Variants in MICU1 observed in about 807,000 individuals in gnomAD.
The protein encoded by MICU1 is mitochondrial calcium uptake 1.
A neutral mutation model predicts 56.8 loss-of-function variants in MICU1; 45 were observed. That is an observed-to-expected ratio of 0.79 (90% CI 0.62 to 1.02). The LOEUF (loss-of-function observed/expected upper bound fraction) is 1.02, where lower values mean the gene tolerates loss of function less well. Among genes scored for constraint, MICU1 ranks in the 50% least tolerant of loss-of-function variants. The probability of loss-of-function intolerance (pLI) is 0.00; values close to 1 mark genes in which losing one functional copy is unlikely to be tolerated. For synonymous variants in MICU1, 186 were observed against 195.1 expected (o/e 0.95, Z 0.39); for missense variants, 504 against 587.1 (o/e 0.86, Z 1.46).
At chr10:72,599,997 AAAAG>A (rs1841481365) in intron 1 of MICU1, among the ~76,000 whole-genome samples, 1 of 152,214 alleles carries the variant, frequency 6.6e-6, no homozygotes. Flanking sequence ...TGAGGAAAGA[AAAAG>A]AAAGTCATGG....
chr10:72,570,978 G>A (rs889338779), intron 1 of MICU1, among the ~76,000 whole-genome samples: 1 of 151,998 alleles, frequency 6.6e-6, no homozygotes, highest in African/African-American at 2.4e-5. Context: ...ACTAAAACAT[G>A]CATATCTGGA....
intron 1 of MICU1, among the ~76,000 whole-genome samples, chr10:72,569,227 A>ATTTTT (rs1457174727): frequency 6.9e-4 from 28 of 40,584 alleles, no homozygotes; most frequent in African/African-American, 2.6e-3. Flanking sequence ...ATATATATAT[A>ATTTTT]TATATATATA....
At chr10:72,442,456 G>A (rs976045490) in intron 8 of MICU1, among the ~76,000 whole-genome samples, 33 of 152,050 alleles carry the variant, frequency 2.2e-4, no homozygotes, top group African/African-American at 5.6e-4. Flanking sequence ...TTTTCATAGC[G>A]ATAAAATGTA....
intron 3 of MICU1, among the ~76,000 whole-genome samples, chr10:72,556,697 T>C (rs1173685129): frequency 1.3e-5 from 2 of 152,132 alleles, no homozygotes; most frequent in Admixed American, 6.6e-5. Flanking sequence ...AAATAATATA[T>C]TTTTTCATTT....
At chr10:72,582,813 G>GT (rs1840937691) in intron 1 of MICU1, 1 of 151,430 alleles carries the variant, frequency 6.6e-6, no homozygotes. Context: ...ACTGGGCATT[G>GT]TGGCACGTGC....
chr10:72,540,903 C>T (rs1210550239), intron 4 of MICU1, among the ~76,000 whole-genome samples: 1 of 152,134 alleles, frequency 6.6e-6, no homozygotes, highest in Non-Finnish European at 1.5e-5. Context: ...CCTGGATGGG[C>T]CAGTGGTCTA....
chr10:72,438,446 G>A (rs1227315420), intron 8 of MICU1, among the ~76,000 whole-genome samples: 1 of 152,122 alleles, frequency 6.6e-6, no homozygotes, highest in Non-Finnish European at 1.5e-5. Context: ...AGAGAAAGCA[G>A]GAACGATCTA....
chr10:72,623,353 G>A (rs1369909523), intron 1 of MICU1, among the ~76,000 whole-genome samples: 3 of 138,210 alleles, frequency 2.2e-5, no homozygotes, highest in East Asian at 2.0e-4. Context: ...GGGAGGGGAG[G>A]GAGAAAGAAA....
chr10:72,442,922 A>T (rs1214242024), intron 8 of MICU1, among the ~76,000 whole-genome samples: 2 of 151,834 alleles, frequency 1.3e-5, no homozygotes, highest in East Asian at 3.9e-4. Flanking sequence ...ATACCCGTTT[A>T]ATTTTTGTAT....
chr10:72,404,049 G>GT (rs1215438720), intron 10 of MICU1, among the ~76,000 whole-genome samples: 1 of 151,676 alleles, frequency 6.6e-6, no homozygotes, highest in Non-Finnish European at 1.5e-5. Context: ...GAGTAGAGTG[G>GT]TGAGATCTCA....
intron 3 of MICU1, among the ~76,000 whole-genome samples, chr10:72,562,120 C>T (rs926181002): frequency 6.8e-6 from 1 of 146,700 alleles, no homozygotes; most frequent in Non-Finnish European, 1.5e-5. Flanking sequence ...AGCTACATAA[C>T]AGCAGGTTGT....
intron 4 of MICU1, among the ~76,000 whole-genome samples, chr10:72,544,068 T>G (rs977013414): frequency 1.3e-5 from 2 of 152,196 alleles, no homozygotes; most frequent in African/African-American, 4.8e-5. Flanking sequence ...TTATGTTATC[T>G]ATAGATTCCA....
At chr10:72,590,082 C>G (rs1477602820) in intron 1 of MICU1, among the ~76,000 whole-genome samples, 1 of 151,840 alleles carries the variant, frequency 6.6e-6, no homozygotes, top group Non-Finnish European at 1.5e-5. Context: ...ATAAATGGAT[C>G]AAGCTCTCCA....
chr10:72,503,350 T>G (rs1867138632), intron 6 of MICU1, among the ~76,000 whole-genome samples: 1 of 152,088 alleles, frequency 6.6e-6, no homozygotes, highest in Non-Finnish European at 1.5e-5. Context: ...AAACAAGTGG[T>G]TCTCAGACAG....
chr10:72,492,360 T>C (rs1473377403), intron 6 of MICU1, among the ~76,000 whole-genome samples: 1 of 152,088 alleles, frequency 6.6e-6, no homozygotes, highest in Non-Finnish European at 1.5e-5. Flanking sequence ...GTCTTAGACA[T>C]GGGTAGTAGT....
intron 1 of MICU1, among the ~76,000 whole-genome samples, chr10:72,596,876 A>G (rs1002248927): frequency 6.6e-6 from 1 of 151,916 alleles, no homozygotes; most frequent in African/African-American, 2.4e-5. Flanking sequence ...CCGTCTCAAA[A>G]AAAAAAAAAA....
At chr10:72,610,689 AAC>A (rs1213599092) in intron 1 of MICU1, among the ~76,000 whole-genome samples, 9 of 152,202 alleles carry the variant, frequency 5.9e-5, no homozygotes, top group Non-Finnish European at 1.2e-4. Context: ...CAGGGAAATA[AAC>A]ACACAGACAT....
At chr10:72,490,485 T>C (rs940086901) in intron 6 of MICU1, among the ~76,000 whole-genome samples, 7 of 152,210 alleles carry the variant, frequency 4.6e-5, no homozygotes, top group Admixed American at 3.9e-4. Flanking sequence ...AAGAGGCTGA[T>C]ACTACCTGTG....
chr10:72,547,604 T>C lies in MICU1; in HGVS notation c.493+3575A>G, dbSNP rs1174649980. 3.9e-5 allele frequency among the ~76,000 whole-genome samples: 6 copies of C among 152,022 alleles called. No homozygotes were observed. In the South Asian group the frequency reaches 1.2e-3, roughly 31 times the overall value. ...CAAAGAAGAATAAAATGATTTCTGA[T>C]AATTTCAACATTCACAGAGTTAATA... is the stretch of plus-strand genomic sequence containing the variant. On this transcript the variant is annotated intron_variant, in intron 4 of 11. Transcript: ENST00000361114.
Sources: allele counts gnomAD v4.1 joint callset (sites outside exome capture counted in the v4.1 genomes callset), GRCh38; gene constraint gnomAD v4.1.1; transcripts MANE v1.5; gene names NCBI Gene and HGNC (gene_info 2026-07-23, HGNC 2026-07-21).